Variants in CTNNA3 observed in about 807,000 individuals in gnomAD.
The protein encoded by CTNNA3 is catenin alpha-3.
CTNNA3 carries 76 observed loss-of-function variants against 95.7 expected under a neutral mutation model. That is an observed-to-expected ratio of 0.79 (90% CI 0.66 to 0.96). CTNNA3 has a LOEUF of 0.96. Ranked by LOEUF, CTNNA3 falls within the 40% of genes least tolerant of loss-of-function variation. The pLI, the probability that CTNNA3 is intolerant of heterozygous loss-of-function variation, is 0.00. For missense variants in CTNNA3, 1,191 were observed against 1,089.8 expected (o/e 1.09, Z -1.31); for synonymous variants, 431 against 374.4 (o/e 1.15, Z -1.74).
chr10:66,853,108 T>C (rs1843555003), intron 7 of CTNNA3, among the ~76,000 whole-genome samples: 1 of 152,102 alleles, frequency 6.6e-6, no homozygotes, highest in Non-Finnish European at 1.5e-5. Flanking sequence ...CTTAAAAATA[T>C]ACTATTTTAT....
chr10:66,464,929 A>G (rs1838844333), intron 11 of CTNNA3, among the ~76,000 whole-genome samples: 1 of 152,158 alleles, frequency 6.6e-6, no homozygotes, highest in Non-Finnish European at 1.5e-5. Flanking sequence ...CTCTCTATTC[A>G]GCTAGATTAC....
chr10:67,364,070 T>A lies in CTNNA3; in HGVS notation c.580-144200A>T, dbSNP rs185690629. 3.6e-4 allele frequency among the ~76,000 whole-genome samples: 55 copies of A among 152,200 alleles called. 1 individual carries two copies. In the East Asian group the frequency reaches 9.7e-3, roughly 27 times the overall value. On this transcript the variant is annotated intron_variant, in intron 5 of 17. Coordinates refer to ENST00000433211, the MANE Select transcript of CTNNA3 (RefSeq NM_013266.4). ...TGCCTGATGAACATCAATGCAAAAG[T>A]CCTCAATAAAATACTGACAAACCCA...
At chr10:66,346,275 A>G (rs2092518299) in intron 12 of CTNNA3, among the ~76,000 whole-genome samples, 1 of 145,738 alleles carries the variant, frequency 6.9e-6, no homozygotes, top group Non-Finnish European at 1.5e-5. Context: ...AGAGAGAGAG[A>G]GAGAGAGAGA....
intron 1 of CTNNA3, among the ~76,000 whole-genome samples, chr10:67,688,842 C>T (rs1295188186): frequency 1.3e-5 from 2 of 152,146 alleles, no homozygotes; most frequent in African/African-American, 4.8e-5. Context: ...ACACCTCTTG[C>T]CCAAGAACCC....
intron 6 of CTNNA3, among the ~76,000 whole-genome samples, chr10:67,206,511 G>T (rs1466032776): frequency 6.6e-6 from 1 of 151,564 alleles, no homozygotes; most frequent in Non-Finnish European, 1.5e-5. Flanking sequence ...TAAAATGAAA[G>T]GAACCAATTA....
chr10:65,984,624 C>CCATGTTAT (rs2078388663), intron 16 of CTNNA3, among the ~76,000 whole-genome samples: 1 of 151,042 alleles, frequency 6.6e-6, no homozygotes, highest in African/African-American at 2.4e-5. Flanking sequence ...TTTGATAAAG[C>CCATGTTAT]CATGTTATAG....
chr10:67,197,941 A>C (rs945472580), intron 6 of CTNNA3, among the ~76,000 whole-genome samples: 2 of 152,152 alleles, frequency 1.3e-5, no homozygotes, highest in African/African-American at 4.8e-5. Context: ...AATTGCAAAG[A>C]AACTGTATTG....
chr10:66,847,948 T>C (rs1161510614), intron 7 of CTNNA3, among the ~76,000 whole-genome samples: 3 of 152,036 alleles, frequency 2.0e-5, no homozygotes, highest in Admixed American at 6.6e-5. Context: ...TATGTTATAA[T>C]AGATGAGATA....
intron 12 of CTNNA3, among the ~76,000 whole-genome samples, chr10:66,306,158 AAATTTTTTGAAGGTT>A (rs2091930633): frequency 6.6e-6 from 1 of 152,312 alleles, no homozygotes; most frequent in South Asian, 2.1e-4. Flanking sequence ...ATACTTAACT[AAATTTTTTGAAGGTT>A]CCATGTGGAA....
intron 10 of CTNNA3, among the ~76,000 whole-genome samples, chr10:66,543,909 GTGTATATA>G (rs1332966928): frequency 0.028 from 272 of 9,636 alleles, 3 homozygotes; most frequent in African/African-American, 0.074. Context: ...ATGTGTGTGT[GTGTATATA>G]TATATATATA....
At chr10:66,384,125 T>G (rs1322230949) in intron 11 of CTNNA3, among the ~76,000 whole-genome samples, 1 of 152,170 alleles carries the variant, frequency 6.6e-6, no homozygotes, top group Non-Finnish European at 1.5e-5. Context: ...ATGGGCTAAA[T>G]ACCCCAATTA....
At chr10:66,461,845 T>C (rs1455625937) in intron 11 of CTNNA3, among the ~76,000 whole-genome samples, 2 of 150,138 alleles carry the variant, frequency 1.3e-5, no homozygotes, top group Non-Finnish European at 3.0e-5. Context: ...TGGAGTCTCC[T>C]TCTGTCACCC....
At chr10:67,074,085 G>A (rs1474166717) in intron 7 of CTNNA3, among the ~76,000 whole-genome samples, 1 of 134,708 alleles carries the variant, frequency 7.4e-6, no homozygotes, top group Non-Finnish European at 1.5e-5. Context: ...CTCCAGGCTG[G>A]AGTGCAGTGG....
At chr10:67,742,924 C>A (rs150122287) in intron 1 of CTNNA3, among the ~76,000 whole-genome samples, 2 of 151,280 alleles carry the variant, frequency 1.3e-5, no homozygotes, top group Non-Finnish European at 3.0e-5. Flanking sequence ...AATTCCTCTA[C>A]GCATATATCC....
intron 10 of CTNNA3, among the ~76,000 whole-genome samples, chr10:66,619,783 A>G (rs1844678834): frequency 6.6e-6 from 1 of 151,992 alleles, no homozygotes; most frequent in Non-Finnish European, 1.5e-5. Flanking sequence ...TGAAAAAAAC[A>G]CTGGTGAATT....
At chr10:67,562,602 C>T (rs538539445) in intron 3 of CTNNA3, among the ~76,000 whole-genome samples, 16 of 152,270 alleles carry the variant, frequency 1.1e-4, no homozygotes, top group African/African-American at 3.6e-4. Context: ...CCTCTCTCAC[C>T]ACTCCTATTC....
upstream of CTNNA3, among the ~76,000 whole-genome samples, chr10:67,700,806 C>T (rs2133602563): frequency 6.6e-6 from 1 of 152,272 alleles, no homozygotes; most frequent in Non-Finnish European, 1.5e-5. Context: ...GAGAAGAAGG[C>T]TTCAGACGAT....
intron 9 of CTNNA3, among the ~76,000 whole-genome samples, chr10:66,651,653 C>CCTCCCG (rs569047116): frequency 6.6e-6 from 1 of 151,532 alleles, no homozygotes; most frequent in East Asian, 2.0e-4. Flanking sequence ...GCGCAGTGCC[C>CCTCCCG]GCCGGCCGGC....
intron 13 of CTNNA3, among the ~76,000 whole-genome samples, chr10:66,271,858 G>A (rs1398383717): frequency 6.6e-6 from 1 of 152,166 alleles, no homozygotes; most frequent in African/African-American, 2.4e-5. Flanking sequence ...GAGCAACTGA[G>A]ATCACTAACT....
Sources: allele counts gnomAD v4.1 joint callset (sites outside exome capture counted in the v4.1 genomes callset), GRCh38; gene constraint gnomAD v4.1.1; transcripts MANE v1.5; gene names NCBI Gene and HGNC (gene_info 2026-07-23, HGNC 2026-07-21).